The following CREG2 variants were observed in gnomAD, a reference collection of about 807,000 sequenced individuals.
The protein encoded by CREG2 is cellular repressor of E1A stimulated genes 2, also known as protein CREG2.
In CREG2, 24 loss-of-function variants were observed where a neutral mutation model predicts 26.2. That is an observed-to-expected ratio of 0.92 (90% CI 0.66 to 1.29). CREG2 has a LOEUF of 1.29. Among genes scored for constraint, CREG2 ranks in the 50% most tolerant of loss-of-function variants. CREG2 has a pLI of 0.00. For missense variants in CREG2, 366 were observed against 398.6 expected (o/e 0.92, Z 0.70); for synonymous variants, 174 against 169.2 (o/e 1.03, Z -0.22).
At chr2:101,381,573 C>T (rs1440054817) in intron 2 of CREG2, among the ~76,000 whole-genome samples, 1 of 152,202 alleles carries the variant, frequency 6.6e-6, no homozygotes, top group Non-Finnish European at 1.5e-5. Context: ...GTTTTGTAGG[C>T]ATTTATTTAC....
chr2:101,349,085 G>A lies in CREG2; in HGVS notation c.*1838C>T, dbSNP rs1684341337. 6.6e-6 allele frequency: 1 copy of A among 152,564 alleles called. No homozygotes were observed. The highest frequency in any genetic ancestry group is 1.5e-5 in the Non-Finnish European group (1 of 68,030). The allele number at this position is 152,564 out of a possible 1,614,324, so 9.5% of individuals were successfully genotyped here. On this transcript the variant is annotated 3_prime_UTR_variant, in exon 4 of 4. Coordinates refer to ENST00000324768, the MANE Select transcript of CREG2 (RefSeq NM_153836.4). Reference sequence around the variant, plus strand: ...GACTATAAACGCAAACCTAGCCAGGGGACCTTATCTGCAAGACAGGATCAG... The same window carrying A: ...GACTATAAACGCAAACCTAGCCAGGAGACCTTATCTGCAAGACAGGATCAG...
intron 2 of CREG2, among the ~76,000 whole-genome samples, chr2:101,375,354 G>A (rs1684773773): frequency 1.3e-5 from 2 of 152,116 alleles, no homozygotes; most frequent in East Asian, 1.9e-4. Flanking sequence ...ACCACACCGA[G>A]GCCTGTCAAT....
chr2:101,359,566 TA>T (rs1301517338), intron 2 of CREG2, among the ~76,000 whole-genome samples: 1 of 152,178 alleles, frequency 6.6e-6, no homozygotes, highest in Non-Finnish European at 1.5e-5. Context: ...TGTGACCAAT[TA>T]TTTTTTTAGA....
At chr2:101,354,000 C>T (rs1684418444) in intron 3 of CREG2, among the ~76,000 whole-genome samples, 1 of 152,060 alleles carries the variant, frequency 6.6e-6, no homozygotes, top group South Asian at 2.1e-4. Context: ...AGCATTAGGA[C>T]AAATACCTAA....
At chr2:101,374,362 G>A (rs1188552706) in intron 2 of CREG2, among the ~76,000 whole-genome samples, 3 of 152,214 alleles carry the variant, frequency 2.0e-5, no homozygotes, top group African/African-American at 4.8e-5. Context: ...GGGTGACAGA[G>A]CAAGACTGTC....
At chr2:101,363,879 C>CAT (rs1318131920) in intron 2 of CREG2, among the ~76,000 whole-genome samples, 1 of 151,672 alleles carries the variant, frequency 6.6e-6, no homozygotes, top group Non-Finnish European at 1.5e-5. Flanking sequence ...CACACACACA[C>CAT]ACACAGACAC....
intron 2 of CREG2, among the ~76,000 whole-genome samples, chr2:101,359,558 T>C (rs1684510567): frequency 6.6e-6 from 1 of 152,170 alleles, no homozygotes; most frequent in African/African-American, 2.4e-5. Context: ...GCACTGGGTG[T>C]GACCAATTAT....
intron 2 of CREG2, among the ~76,000 whole-genome samples, chr2:101,370,122 C>A (rs1558818292): frequency 6.6e-6 from 1 of 152,250 alleles, no homozygotes; most frequent in East Asian, 1.9e-4. Context: ...GTCCTTCACA[C>A]CCTCTGTGCC....
At chr2:101,355,992 G>C (rs976687271) in intron 2 of CREG2, among the ~76,000 whole-genome samples, 3 of 152,158 alleles carry the variant, frequency 2.0e-5, no homozygotes, top group Non-Finnish European at 4.4e-5. Context: ...GGAAGAATCA[G>C]GTCATACAGA....
intron 1 of CREG2, among the ~76,000 whole-genome samples, chr2:101,385,957 A>G (rs1684961464): frequency 6.6e-6 from 1 of 152,236 alleles, no homozygotes; most frequent in African/African-American, 2.4e-5. Flanking sequence ...GATCAGTGTC[A>G]TCTTTAACCT....
chr2:101,382,058 G>A (rs1322452799), intron 2 of CREG2: 1 of 152,192 alleles, frequency 6.6e-6, no homozygotes, highest in African/African-American at 2.4e-5. Context: ...TATATATTCT[G>A]TTGCCTGTCC....
In CREG2 at chr2:101,387,085, C is replaced by T. The variant is rs1257663417; in HGVS notation, c.373G>A (p.Ala125Thr). 4.9e-6 allele frequency: 6 copies of T among 1,233,628 alleles called. No individual in the cohort carries two copies. The highest frequency in any genetic ancestry group is 6.1e-6 in the Non-Finnish European group (6 of 989,634). 76.4% of individuals were successfully genotyped at this position (1,233,628 alleles called of 1,614,324 possible). A position where few individuals can be genotyped will look rare whatever the true frequency, so the allele number is the denominator to read the frequency against. Reference sequence around the variant, plus strand: ...GCATGGGCCAGGGAGCGGGCGGTGGCGGCGCGCAGTCTAGGGCCCGGGGGC... The same window carrying T: ...GCATGGGCCAGGGAGCGGGCGGTGGTGGCGCGCAGTCTAGGGCCCGGGGGC... The part of the protein sequence containing the change: ...SAPPGPRLRA[A>T]TARSLAHASV... The change falls in exon 1 of 4, where the codon GCC (alanine) becomes ACC (threonine). Residue 125 changes from alanine (A) to threonine (T), a missense_variant. This residue lies in a region of CREG2 where 15 missense variants were observed against 37.2 expected (regional missense o/e 0.40). Coordinates refer to ENST00000324768, the MANE Select transcript of CREG2 (RefSeq NM_153836.4). This position sits in a 1 kb window ranked among gnomAD's most constrained non-coding sequence, Gnocchi z 4.7.
In CREG2 at chr2:101,348,798, G is replaced by A. The variant is rs997040186; in HGVS notation, c.*2125C>T. On this transcript the variant is annotated 3_prime_UTR_variant, in exon 4 of 4. Coordinates refer to ENST00000324768, the MANE Select transcript of CREG2 (RefSeq NM_153836.4). ...TTTAATCTCTTTTTCTTGCCTTATTGCCATGTCTAGAACTTCCAGAACAGC... is the reference window on the plus strand; with the variant it reads ...TTTAATCTCTTTTTCTTGCCTTATTACCATGTCTAGAACTTCCAGAACAGC... 7 of 150,554 alleles carry A rather than the reference G, an allele frequency of 4.6e-5. No homozygotes were observed. The highest frequency in any genetic ancestry group is 8.9e-5 in the Non-Finnish European group (6 of 67,712). 9.3% of individuals were successfully genotyped at this position (150,554 alleles called of 1,614,324 possible).
Position 101,378,351 on chromosome 2 carries a change from C to T in CREG2, c.611+5182G>A, listed in dbSNP as rs148363684. On this transcript the variant is annotated intron_variant, in intron 2 of 3. Transcript: ENST00000324768. ...CATATAAGACCGGCTTAAATGTCCT[C>T]ATTATCCTAAAGCAGCGTTAGCATC... is the stretch of plus-strand genomic sequence containing the variant. Among the ~76,000 whole-genome samples, 1,103 of 152,298 alleles carry T rather than the reference C, an allele frequency of 7.2e-3. 17 individuals are homozygous for T. The highest frequency in any genetic ancestry group is 0.025 in the African/African-American group (1,051 of 41,544).
Position 101,383,700 on chromosome 2 carries a change from G to T in CREG2, c.444C>A (p.Ile148=), listed in dbSNP as rs758987909. Residue 148 remains isoleucine (I), a splice_region_variant and synonymous_variant, in exon 2 of 4, where the codon ATC becomes ATA. Transcript: ENST00000324768. ...GGCAGTTCCCAAATGGCAGTCCTTG[G>T]ATCTAACAAACACCAAAAAAGGCTT... ...CLATVSTHKK[I]QGLPFGNCLP... 8.1e-6 allele frequency: 13 copies of T among 1,598,422 alleles called. No homozygotes were observed. Among genetic ancestry groups the T allele is most frequent in the Non-Finnish European group, 1.1e-5 (13 of 1,172,118 alleles).
chr2:101,375,287 G>A (rs1684772698), intron 2 of CREG2, among the ~76,000 whole-genome samples: 1 of 152,034 alleles, frequency 6.6e-6, no homozygotes, highest in African/African-American at 2.4e-5. Context: ...CCATGGTCTG[G>A]CACCTCCCCT....
At chr2:101,356,251 A>G (rs773179987) in intron 2 of CREG2, among the ~76,000 whole-genome samples, 2 of 152,074 alleles carry the variant, frequency 1.3e-5, no homozygotes, top group African/African-American at 4.8e-5. Context: ...TGGGGTTTAT[A>G]TGGGCCCAGG....
intron 2 of CREG2, among the ~76,000 whole-genome samples, chr2:101,374,208 T>G (rs1684754156): frequency 6.6e-6 from 1 of 152,070 alleles, no homozygotes; most frequent in Admixed American, 6.5e-5. Context: ...TGAAACCCCA[T>G]CTCAACTAAA....
Position 101,387,392 on chromosome 2 carries a change from G to A in CREG2, c.66C>T (p.Cys22=). 3 of 1,348,470 alleles carry A rather than the reference G, an allele frequency of 2.2e-6. No individual in the cohort carries two copies. Among genetic ancestry groups the A allele is most frequent in the Non-Finnish European group, 2.9e-6 (3 of 1,034,138 alleles). The allele number at this position is 1,348,470 out of a possible 1,614,324, so 83.5% of individuals were successfully genotyped here. A position where few individuals can be genotyped will look rare whatever the true frequency, so the allele number is the denominator to read the frequency against. Residue 22 remains cysteine (C), a synonymous_variant, in exon 1 of 4, where the codon TGC becomes TGT. Transcript: ENST00000324768. The surrounding 1 kb of genome is among the most constrained non-coding windows in gnomAD (Gnocchi z 4.7). The part of the protein sequence containing the change: ...PGTRLSWLLC[C]SALLSPAAGY... ...CCGCGGCCGGGGACAGCAGGGCGCTGCAGCACAGCAGCCAGGAGAGGCGGG... is the reference window on the plus strand; with the variant it reads ...CCGCGGCCGGGGACAGCAGGGCGCTACAGCACAGCAGCCAGGAGAGGCGGG...
Sources: gnomAD v4.1 joint callset for allele counts (sites outside exome capture counted in the v4.1 genomes callset) on GRCh38, gnomAD v4.1.1 for gene constraint, gnomAD v4.1.1 regional missense constraint, Gnocchi (gnomAD v3.1) non-coding constraint, MANE v1.5 for transcripts, NCBI Gene and HGNC (gene_info 2026-07-23, HGNC 2026-07-21) for gene names.